The following MLIP variants were observed in gnomAD, a reference collection of about 807,000 sequenced individuals.
MLIP encodes muscular LMNA interacting protein.
A neutral mutation model predicts 84.8 loss-of-function variants in MLIP; 79 were observed. The observed-to-expected ratio is 0.93, with a 90% confidence interval of 0.78 to 1.12. The LOEUF (loss-of-function observed/expected upper bound fraction) is 1.12, where lower values mean the gene tolerates loss of function less well. MLIP is among the 50% of genes most tolerant of loss of function. The pLI is 0.00. For synonymous variants in MLIP, 504 were observed against 463.0 expected (o/e 1.09, Z -1.14); for missense variants, 1,257 against 1,160.6 (o/e 1.08, Z -1.21).
chr6:54,118,515 C>T (rs1466474862), intron 1 of MLIP, among the ~76,000 whole-genome samples: 1 of 152,130 alleles, frequency 6.6e-6, no homozygotes. Flanking sequence ...TAACCATATA[C>T]AAAACATTTT....
intron 8 of MLIP, 128 bp from the exon 9 acceptor site, chr6:54,169,400 G>T (rs1405817486): frequency 6.7e-6 from 3 of 447,938 alleles, no homozygotes; most frequent in Non-Finnish European, 1.2e-5. Context: ...TCTAAAAAAT[G>T]ATATTGTATA....
At position 54,137,764 on chromosome 6, in the gene MLIP, A is replaced by G. The variant is rs1486537897; in HGVS notation, c.1695A>G (p.Lys565=). Reference sequence around the variant, plus strand: ...CTTCTCTTTCCTCTTTGAAGAGTAAACAGGATGGTGACCTCAGGGGTCCAG... The same window carrying G: ...CTTCTCTTTCCTCTTTGAAGAGTAAGCAGGATGGTGACCTCAGGGGTCCAG... The part of the protein sequence containing the change: ...PSSSLSSLKS[K]QDGDLRGPEN... Residue 565 remains lysine (K), a synonymous_variant, in exon 4 of 14, where the codon AAA becomes AAG. Coordinates refer to ENST00000502396, the MANE Select transcript of MLIP (RefSeq NM_001281747.2). 1.3e-6 allele frequency: 2 copies of G among 1,535,954 alleles called. No individual in the cohort carries two copies. Among genetic ancestry groups the G allele is most frequent in the Non-Finnish European group, 1.7e-6 (2 of 1,146,898 alleles).
Position 54,111,449 on chromosome 6 carries a change from T to C in MLIP, c.-31T>C. 1 of 1,535,684 alleles carries C rather than the reference T, an allele frequency of 6.5e-7. No individual in the cohort carries two copies. The highest frequency in any genetic ancestry group is 8.7e-7 in the Non-Finnish European group (1 of 1,146,672). ...GAGGCTCCCTTCCCACCTCAGTCAT[T>C]GGTTTGCTCGCTCCCTTATGTGATG... On this transcript the variant is annotated 5_prime_UTR_variant, in exon 1 of 14. Transcript: ENST00000502396.
At position 54,216,205 on chromosome 6, in the gene MLIP, T is replaced by A. The variant is rs1582529018; in HGVS notation, c.2718+13972T>A. ...ATTTCCTTTAGAATCACTTCAATTT[T>A]GGAAGAAAGAGGTTGATTTCCTGCT... On this transcript the variant is annotated intron_variant, in intron 11 of 13. Coordinates refer to ENST00000502396, the MANE Select transcript of MLIP (RefSeq NM_001281747.2). 6 of 985,296 alleles carry A rather than the reference T, an allele frequency of 6.1e-6. No individual in the cohort carries two copies. The Middle Eastern group carries it at 2.6e-3, about 429-fold the overall frequency. 61.0% of individuals were successfully genotyped at this position (985,296 alleles called of 1,614,324 possible).
chr6:54,111,760 G>A (rs1434353494), intron 1 of MLIP, among the ~76,000 whole-genome samples, 185 bp downstream of exon 1: 2 of 152,142 alleles, frequency 1.3e-5, no homozygotes, highest in Non-Finnish European at 2.9e-5. Flanking sequence ...ACTGCTCATT[G>A]GGCAAAGAAA....
chr6:54,258,012 G>T (rs1023527390), intron 13 of MLIP, among the ~76,000 whole-genome samples: 5 of 151,904 alleles, frequency 3.3e-5, no homozygotes, highest in African/African-American at 1.2e-4. Flanking sequence ...TCTCATTATG[G>T]TTTACTTTTG....
intron 9 of MLIP, among the ~76,000 whole-genome samples, chr6:54,185,574 T>G (rs1373848531): frequency 6.6e-6 from 1 of 152,232 alleles, no homozygotes; most frequent in Non-Finnish European, 1.5e-5. Flanking sequence ...TTTGGAATTA[T>G]TTAGTACAAT....
At chr6:54,258,290 A>G (rs1196838504) in intron 13 of MLIP, among the ~76,000 whole-genome samples, 1 of 151,958 alleles carries the variant, frequency 6.6e-6, no homozygotes, top group Non-Finnish European at 1.5e-5. Context: ...TCCAAGCCAT[A>G]TTTTCCACAA....
At chr6:54,212,154 AC>A (rs1779500135) in intron 11 of MLIP, among the ~76,000 whole-genome samples, 1 of 152,164 alleles carries the variant, frequency 6.6e-6, no homozygotes, top group African/African-American at 2.4e-5. Context: ...CTTCTTTCTT[AC>A]TTGTTTCCCT....
At chr6:54,149,559 A>G in intron 5 of MLIP, among the ~76,000 whole-genome samples, 1 of 152,180 alleles carries the variant, frequency 6.6e-6, no homozygotes, top group East Asian at 1.9e-4. Context: ...GGTGACTAAC[A>G]GTGGCTTCCA....
At chr6:54,024,907 G>T (rs897839620) in intron 1 of MLIP, among the ~76,000 whole-genome samples, 4 of 151,904 alleles carry the variant, frequency 2.6e-5, no homozygotes, top group African/African-American at 9.7e-5. Flanking sequence ...GCATGATCTC[G>T]GCTCACTGCA....
intron 13 of MLIP, among the ~76,000 whole-genome samples, chr6:54,263,451 C>T (rs1783510429): frequency 6.6e-6 from 1 of 151,902 alleles, no homozygotes; most frequent in South Asian, 2.1e-4. Context: ...AAAAAAAGAA[C>T]ATGCAGCATT....
At chr6:54,176,248 T>A (rs1776270265) in intron 9 of MLIP, among the ~76,000 whole-genome samples, 1 of 151,906 alleles carries the variant, frequency 6.6e-6, no homozygotes, top group Non-Finnish European at 1.5e-5. Context: ...CATTATAGAA[T>A]GAGATTTGTA....
intron 3 of MLIP, among the ~76,000 whole-genome samples, chr6:54,125,823 C>G (rs962112856): frequency 5.3e-5 from 8 of 152,080 alleles, no homozygotes; most frequent in Non-Finnish European, 7.4e-5. Flanking sequence ...GCGTGTTGGT[C>G]TTTTTGCATT....
At chr6:54,071,380 G>T (rs557182475) in intron 1 of MLIP, among the ~76,000 whole-genome samples, 1 of 151,878 alleles carries the variant, frequency 6.6e-6, no homozygotes, top group Admixed American at 6.6e-5. Context: ...GCATAGTATT[G>T]CTAATTTCAA....
chr6:54,060,632 G>GA (rs1378676027), intron 1 of MLIP, among the ~76,000 whole-genome samples: 2 of 152,188 alleles, frequency 1.3e-5, no homozygotes, highest in Non-Finnish European at 2.9e-5. Flanking sequence ...ATCTTTAGAT[G>GA]AAAATCTATG....
intron 10 of MLIP, 58 bp downstream of exon 10, chr6:54,189,972 A>C: frequency 8.3e-7 from 1 of 1,211,942 alleles, no homozygotes. Flanking sequence ...AGAGAGCTTT[A>C]CCTGAGTAAA....
At chr6:54,098,330 C>CTTTTATT (rs1768377916) in intron 1 of MLIP, among the ~76,000 whole-genome samples, 1 of 116,284 alleles carries the variant, frequency 8.6e-6, no homozygotes, top group Non-Finnish European at 1.7e-5. Flanking sequence ...TTTTTAATTT[C>CTTTTATT]TTTTTTTTTT....
At chr6:54,241,639 A>G (rs1221983802) in intron 12 of MLIP, among the ~76,000 whole-genome samples, 1 of 152,180 alleles carries the variant, frequency 6.6e-6, no homozygotes, top group Non-Finnish European at 1.5e-5. Flanking sequence ...ATTTTAAATT[A>G]TAGCAATTAT....
Sources: gnomAD v4.1 joint callset for allele counts (sites outside exome capture counted in the v4.1 genomes callset) on GRCh38, gnomAD v4.1.1 for gene constraint, MANE v1.5 for transcripts, NCBI Gene and HGNC (gene_info 2026-07-23, HGNC 2026-07-21) for gene names.